The following COPS2 variants were observed in gnomAD, a reference collection of about 807,000 sequenced individuals.
COPS2 encodes COP9 signalosome complex subunit 2.
Under a neutral mutation model 66.1 loss-of-function variants are expected in COPS2, and 10 were observed. The observed-to-expected ratio is 0.15, with a 90% CI of 0.09 to 0.26. The LOEUF is 0.26. Ranked by LOEUF, COPS2 falls within the 10% of genes least tolerant of loss-of-function variation. The probability of loss-of-function intolerance (pLI) is 1.00; values close to 1 mark genes in which losing one functional copy is unlikely to be tolerated. For synonymous variants in COPS2, 179 were observed against 171.3 expected (o/e 1.04, Z -0.35); for missense variants, 215 against 513.3 (o/e 0.42, Z 5.62).
chr15:49,141,071 T>C (rs1353667223), intron 3 of COPS2, among the ~76,000 whole-genome samples: 2 of 151,506 alleles, frequency 1.3e-5, no homozygotes, highest in African/African-American at 2.4e-5. Context: ...TGGGGGTAAA[T>C]GATAGGTGAC....
intron 1 of COPS2, among the ~76,000 whole-genome samples, chr15:49,146,892 A>G (rs2084324522): frequency 6.6e-6 from 1 of 152,072 alleles, no homozygotes; most frequent in Non-Finnish European, 1.5e-5. Context: ...CTTATCTCCT[A>G]TCTAGTTCTC....
At chr15:49,155,431 A>T in intron 1 of COPS2, 94 bp downstream of exon 1, 1 of 1,145,368 alleles carries the variant, frequency 8.7e-7, no homozygotes, top group Non-Finnish European at 1.3e-6. Flanking sequence ...TGTAAACGGC[A>T]CATGCTCTAC....
At chr15:49,153,082 A>C (rs1228563608) in intron 1 of COPS2, among the ~76,000 whole-genome samples, 1 of 152,204 alleles carries the variant, frequency 6.6e-6, no homozygotes, top group East Asian at 1.9e-4. Context: ...GAAAGAGGTA[A>C]GCAGAAACAC....
At chr15:49,155,413 A>G in intron 1 of COPS2, 112 bp downstream of exon 1, 1 of 952,962 alleles carries the variant, frequency 1.0e-6, no homozygotes, top group Non-Finnish European at 1.7e-6. Flanking sequence ...CACCGCACTG[A>G]GAGAGGCTGT....
At chr15:49,141,724 G>T (rs903189268) in intron 3 of COPS2, among the ~76,000 whole-genome samples, 2 of 152,168 alleles carry the variant, frequency 1.3e-5, no homozygotes, top group Admixed American at 1.3e-4. Flanking sequence ...GGCAGGTACA[G>T]AAGCTGAAAT....
At chr15:49,150,247 CAAAA>C (rs11347765) in intron 1 of COPS2, among the ~76,000 whole-genome samples, 2 of 126,920 alleles carry the variant, frequency 1.6e-5, no homozygotes, top group Admixed American at 8.1e-5. Flanking sequence ...GACTCTATCT[CAAAA>C]AAAAAAAAAA....
rs944273749 is a variant in COPS2 at position 49,139,211 on chromosome 15, CT to C, written c.372+316del. The C allele has an allele frequency of 1.5e-5, 3 of 197,700 alleles. No homozygotes were observed. The Admixed American group carries it at 1.9e-4, about 12-fold the overall frequency. The allele number at this position is 197,700 out of a possible 1,614,324, so 12.2% of individuals were successfully genotyped here. On this transcript the variant is annotated intron_variant, in intron 4 of 12. Coordinates refer to ENST00000388901, the MANE Select transcript of COPS2 (RefSeq NM_004236.4). ...GTATTTAACACCTCAGAATGGCTAGCTAAAGTGTTAATGTAGTTTATTAGAA... is the reference window on the plus strand; with the variant it reads ...GTATTTAACACCTCAGAATGGCTAGCAAAGTGTTAATGTAGTTTATTAGAA...
At chr15:49,141,526 T>G (rs1318334637) in intron 3 of COPS2, among the ~76,000 whole-genome samples, 2 of 152,084 alleles carry the variant, frequency 1.3e-5, no homozygotes, top group African/African-American at 4.8e-5. Context: ...AAAAGTTAGC[T>G]TTGAATTTAT....
At chr15:49,136,170 A>C (rs192968840) in intron 6 of COPS2, among the ~76,000 whole-genome samples, 22 of 152,346 alleles carry the variant, frequency 1.4e-4, no homozygotes, top group Non-Finnish European at 2.2e-4. Flanking sequence ...CATTAAAATA[A>C]TACTACATGG....
intron 10 of COPS2, among the ~76,000 whole-genome samples, chr15:49,130,170 A>G (rs1169963015): frequency 7.2e-5 from 11 of 152,188 alleles, no homozygotes; most frequent in Non-Finnish European, 1.5e-5. Flanking sequence ...GTCATTTAAA[A>G]ACCTTCAAAT....
chr15:49,131,404 A>G (rs769229524), intron 9 of COPS2, among the ~76,000 whole-genome samples: 5 of 151,442 alleles, frequency 3.3e-5, no homozygotes, highest in Non-Finnish European at 7.4e-5. Flanking sequence ...TATATTCATA[A>G]TTCTCTGAGG....
At chr15:49,148,595 T>C (rs1007307725) in intron 1 of COPS2, among the ~76,000 whole-genome samples, 14 of 152,138 alleles carry the variant, frequency 9.2e-5, no homozygotes, top group African/African-American at 3.4e-4. Context: ...AACAGAAGTC[T>C]TACAAGGAGA....
intron 3 of COPS2, among the ~76,000 whole-genome samples, chr15:49,143,204 A>G (rs1595824128): frequency 6.6e-6 from 1 of 152,196 alleles, no homozygotes; most frequent in East Asian, 1.9e-4. Flanking sequence ...GAGGAACAGC[A>G]AGAAGGCCAG....
chr15:49,149,844 T>A (rs2084346298), intron 1 of COPS2, among the ~76,000 whole-genome samples: 1 of 152,216 alleles, frequency 6.6e-6, no homozygotes. Flanking sequence ...ATGGCAGTTG[T>A]TTCATTATCC....
chr15:49,128,433 AACAT>A (rs1421796882), intron 12 of COPS2, among the ~76,000 whole-genome samples: 1 of 152,238 alleles, frequency 6.6e-6, no homozygotes, highest in Non-Finnish European at 1.5e-5. Context: ...TATACTTAAA[AACAT>A]ACATAAATAC....
intron 1 of COPS2, among the ~76,000 whole-genome samples, chr15:49,148,562 G>A (rs903412941): frequency 2.6e-5 from 4 of 152,182 alleles, no homozygotes; most frequent in Non-Finnish European, 5.9e-5. Context: ...AAGATGAACT[G>A]GTATTGAACA....
In COPS2 at chr15:49,126,420, C is replaced by A. The variant is rs1266471343; in HGVS notation, c.*1530G>T. ...CCTTGTTTTAAGTCCATGCTCCTTC[C>A]ACTGTTTATAAAATCTGATTTAATG... On this transcript the variant is annotated 3_prime_UTR_variant, in exon 13 of 13. Coordinates refer to ENST00000388901, the MANE Select transcript of COPS2 (RefSeq NM_004236.4). 6.6e-6 allele frequency: 1 copy of A among 152,264 alleles called. No individual in the cohort carries two copies. The highest frequency in any genetic ancestry group is 1.9e-4 in the East Asian group (1 of 5,196). The allele number at this position is 152,264 out of a possible 1,614,324, so 9.4% of individuals were successfully genotyped here.
chr15:49,129,035 A>G (rs549517710), intron 11 of COPS2, among the ~76,000 whole-genome samples: 8 of 152,298 alleles, frequency 5.3e-5, no homozygotes, highest in East Asian at 1.9e-4. Context: ...ACTTTCCCCT[A>G]CAATTTTCTC....
chr15:49,134,227 A>G lies in COPS2; in HGVS notation c.715+113T>C, dbSNP rs1291347221. 1.3e-5 allele frequency: 18 copies of G among 1,394,194 alleles called. No individual in the cohort carries two copies. In the East Asian group the frequency reaches 4.1e-4, roughly 32 times the overall value. The allele number at this position is 1,394,194 out of a possible 1,614,324, so 86.4% of individuals were successfully genotyped here. ...TGCCTTTCAGTTTTTAAATTCTGTA[A>G]CTTGAATACTACTGGCCCCAAGGTA... On this transcript the variant is annotated intron_variant, in intron 7 of 12. Coordinates refer to ENST00000388901, the MANE Select transcript of COPS2 (RefSeq NM_004236.4).
Sources: gnomAD v4.1 joint callset for allele counts (sites outside exome capture counted in the v4.1 genomes callset) on GRCh38, gnomAD v4.1.1 for gene constraint, MANE v1.5 for transcripts, NCBI Gene and HGNC (gene_info 2026-07-23, HGNC 2026-07-21) for gene names.